The following IQCH variants were observed in gnomAD, a reference collection of about 807,000 sequenced individuals.
IQCH encodes the protein IQ motif containing H.
IQCH carries 98 observed loss-of-function variants against 117.0 expected under a neutral mutation model. That is an observed-to-expected ratio of 0.84 (90% CI 0.71 to 0.99). The LOEUF (loss-of-function observed/expected upper bound fraction) is 0.99. Among genes scored for constraint, IQCH ranks in the 50% least tolerant of loss-of-function variants. IQCH has a pLI of 0.00. For missense variants in IQCH, 1,102 were observed against 1,243.8 expected (o/e 0.89, Z 1.72); for synonymous variants, 412 against 448.2 (o/e 0.92, Z 1.02).
intron 13 of IQCH, among the ~76,000 whole-genome samples, chr15:67,396,447 A>C (rs112787982): frequency 6.6e-6 from 1 of 151,772 alleles, no homozygotes; most frequent in Non-Finnish European, 1.5e-5. Context: ...GTGGCTATGC[A>C]TTCTTCCAGC....
chr15:67,482,944 A>G lies in IQCH; in HGVS notation c.2800-7059A>G, dbSNP rs1440290263. On this transcript the variant is annotated intron_variant, in intron 18 of 20. Transcript: ENST00000335894. ...GAGCTGCCTAAGGGTAGACTCTTAC[A>G]TCTCTCACATATAAAATAAAATACG... 2.6e-5 allele frequency among the ~76,000 whole-genome samples: 4 copies of G among 152,294 alleles called. No individual in the cohort carries two copies. The South Asian group carries it at 6.2e-4, about 24-fold the overall frequency.
intron 18 of IQCH, among the ~76,000 whole-genome samples, chr15:67,477,506 AT>A (rs1349386483): frequency 6.6e-6 from 1 of 152,200 alleles, no homozygotes; most frequent in Non-Finnish European, 1.5e-5. Context: ...TTGCAGACAC[AT>A]AAAGTGGAGC....
chr15:67,439,574 G>A (rs182942526), intron 16 of IQCH, among the ~76,000 whole-genome samples: 1 of 152,118 alleles, frequency 6.6e-6, no homozygotes, highest in Admixed American at 6.6e-5. Context: ...CATGAAATTT[G>A]AAACAAACAA....
rs1970507916 is a variant in IQCH at position 67,370,964 on chromosome 15, G to GC, written c.754-1147_754-1146insC. On this transcript the variant is annotated intron_variant, in intron 8 of 20. Coordinates refer to ENST00000335894, the MANE Select transcript of IQCH (RefSeq NM_001031715.3). The surrounding 1 kb of genome is among the most constrained non-coding windows in gnomAD (Gnocchi z 5.6). ...CGTAATCATTATGGATAAATTGCTG[G>GC]GGGGGGTTTTCTTTGAGTTTTTTGA... Among the ~76,000 whole-genome samples, 4 of 151,452 alleles carry GC rather than the reference G, an allele frequency of 2.6e-5. No individual in the cohort carries two copies. Among genetic ancestry groups the GC allele is most frequent in the Admixed American group, 2.6e-4 (4 of 15,186 alleles).
At chr15:67,325,319 AT>A (rs1311612861) in intron 4 of IQCH, among the ~76,000 whole-genome samples, 1 of 151,990 alleles carries the variant, frequency 6.6e-6, no homozygotes, top group Non-Finnish European at 1.5e-5. Context: ...TAGTATTATT[AT>A]TTTTTAAGGT....
chr15:67,466,421 TC>T lies in IQCH; in HGVS notation c.2676+1126del, dbSNP rs2082934920. The T allele has an allele frequency of 6.6e-6, 1 of 152,160 alleles. No individual in the cohort carries two copies. The highest frequency in any genetic ancestry group is 2.4e-5 in the African/African-American group (1 of 41,448). The allele number at this position is 152,160 out of a possible 1,614,324, so 9.4% of individuals were successfully genotyped here. On this transcript the variant is annotated intron_variant, in intron 17 of 20. Transcript: ENST00000335894. This position sits in a 1 kb window ranked among gnomAD's most constrained non-coding sequence, Gnocchi z 4.4. ...TTTGCAAATGAAGCTCTACTTGAAATCCAAATATATCAAACAGATAAAAGAG... is the reference window on the plus strand; with the variant it reads ...TTTGCAAATGAAGCTCTACTTGAAATCAAATATATCAAACAGATAAAAGAG...
In IQCH at chr15:67,372,367, T is replaced by C. The variant is rs753212872; in HGVS notation, c.1010T>C (p.Leu337Pro). Residue 337 changes from leucine (L) to proline (P), a missense_variant, in exon 9 of 21, where the codon CTT becomes CCT. By Grantham distance (98) the Leu-to-Pro change is moderately conservative. Transcript: ENST00000335894. ...CCAGAGTTTGAGCTGACGAATAAAC[T>C]TACCAGATATGACCTTCTCTCAGTG... The part of the protein sequence containing the change: ...LLPEFELTNK[L>P]TRYDLLSVLE... 2 of 1,614,142 alleles carry C rather than the reference T, an allele frequency of 1.2e-6. No homozygotes were observed. Among genetic ancestry groups the C allele is most frequent in the South Asian group, 2.2e-5 (2 of 91,084 alleles).
intron 18 of IQCH, among the ~76,000 whole-genome samples, chr15:67,486,189 C>G (rs1479458061): frequency 6.6e-6 from 1 of 151,796 alleles, no homozygotes; most frequent in South Asian, 2.1e-4. Flanking sequence ...TGCCACCATG[C>G]CTGGCTAATT....
rs1338988038 is a variant in IQCH, at chr15:67,403,084, C to A, written c.2097+2779C>A. On this transcript the variant is annotated intron_variant, in intron 14 of 20. Transcript: ENST00000335894. This position sits in a 1 kb window ranked among gnomAD's most constrained non-coding sequence, Gnocchi z 4.8. ...CCAACATAGTGAAACCTCGTCTCTA[C>A]TAAAAATACAAAAAAATTAGTCGGG... Among the ~76,000 whole-genome samples the A allele has an allele frequency of 2.0e-5, 3 of 152,036 alleles. No individual in the cohort carries two copies. The highest frequency in any genetic ancestry group is 7.2e-5 in the African/African-American group (3 of 41,410).
intron 3 of IQCH, among the ~76,000 whole-genome samples, chr15:67,273,939 G>C (rs576766064): frequency 6.6e-6 from 1 of 152,332 alleles, no homozygotes; most frequent in South Asian, 2.1e-4. Context: ...GATGGATACA[G>C]TATTCTTCGA....
chr15:67,384,989 A>G lies in IQCH; in HGVS notation c.1426A>G (p.Met476Val). 2 of 1,612,002 alleles carry G rather than the reference A, an allele frequency of 1.2e-6. No individual in the cohort carries two copies. Among genetic ancestry groups the G allele is most frequent in the African/African-American group, 1.3e-5 (1 of 74,958 alleles). Reference protein sequence around the residue: ...HIADFNTQQNMQLGRLCDILD... With the variant: ...HIADFNTQQNVQLGRLCDILD... ...TGCCGATTTCAACACACAGCAGAAC[A>G]TGCAGCTGGGGAGGCTGTGTGACAT... The change falls in exon 11 of 21, where the codon ATG becomes GTG. Residue 476 changes from methionine (M) to valine (V), a missense_variant. Met to Val is a conservative substitution (Grantham distance 21, BLOSUM62 1). Transcript: ENST00000335894. The surrounding 1 kb of genome is among the most constrained non-coding windows in gnomAD (Gnocchi z 4.3).
At position 67,454,316 on chromosome 15, in the gene IQCH, G is replaced by A. The variant is rs564169754; in HGVS notation, c.2506-10811G>A. On this transcript the variant is annotated intron_variant, in intron 16 of 20. Transcript: ENST00000335894. The surrounding 1 kb of genome is among the most constrained non-coding windows in gnomAD (Gnocchi z 5.2). ...AATGCAGAAATCACCCGTCTTCTGC[G>A]TCGCTCACGCTGGGAGCTGTAGACC... Among the ~76,000 whole-genome samples, 268 of 152,290 alleles carry A rather than the reference G, an allele frequency of 1.8e-3. 1 individual carries two copies. The highest frequency in any genetic ancestry group is 6.9e-3 in the Admixed American group (105 of 15,294).
intron 4 of IQCH, among the ~76,000 whole-genome samples, chr15:67,302,024 G>C (rs776872693): frequency 1.4e-4 from 22 of 152,198 alleles, no homozygotes; most frequent in Non-Finnish European, 3.1e-4. Context: ...TTTAAGGCCA[G>C]TTTTAACAGT....
intron 8 of IQCH, chr15:67,371,472 A>G: frequency 1.9e-6 from 3 of 1,575,706 alleles, no homozygotes; most frequent in South Asian, 1.2e-5. Flanking sequence ...ATATGTTCCT[A>G]AGAAGAAACC....
chr15:67,307,183 G>T, intron 4 of IQCH: 3 of 944,944 alleles, frequency 3.2e-6, no homozygotes, highest in African/African-American at 1.8e-5. Flanking sequence ...CCAGTTCTTT[G>T]GTTCTACTTT....
rs975353818 is a variant in IQCH at position 67,495,058 on chromosome 15, A to G, written c.2970+692A>G. 7.2e-5 allele frequency among the ~76,000 whole-genome samples: 11 copies of G among 152,372 alleles called. 1 individual carries two copies. The highest frequency in any genetic ancestry group is 6.5e-4 in the Admixed American group (10 of 15,314). On this transcript the variant is annotated intron_variant, in intron 20 of 20. Transcript: ENST00000335894. ...ATCACGTGGTATTGAACAGCAAGGT[A>G]TGAATCTGATTCCCAGCCTAGGCCT... is the stretch of plus-strand genomic sequence containing the variant.
At chr15:67,271,621 A>G (rs1413180644) in intron 3 of IQCH, among the ~76,000 whole-genome samples, 6 of 152,010 alleles carry the variant, frequency 3.9e-5, no homozygotes, top group Admixed American at 6.6e-5. Context: ...GAGGCTTTCT[A>G]TTTCTTTATG....
rs1293405301 is a variant in IQCH at position 67,373,429 on chromosome 15, A to G, written c.1368A>G (p.Ser456=). The stretch of plus-strand genomic sequence containing the variant: ...GGAGGACTATTATCCATATCCCATC[A>G]TTAGGTATAACACTTTTGCCTGCAA... ...TSRRTIIHIP[S]LGYSQPVREH... Residue 456 remains serine (S), a synonymous_variant, in exon 10 of 21, where the codon TCA becomes TCG. Coordinates refer to ENST00000335894, the MANE Select transcript of IQCH (RefSeq NM_001031715.3). The G allele has an allele frequency of 3.7e-6, 6 of 1,604,150 alleles. No homozygotes were observed. Among genetic ancestry groups the G allele is most frequent in the African/African-American group, 1.3e-5 (1 of 74,696 alleles).
At chr15:67,308,451 A>C (rs1967417463) in intron 4 of IQCH, among the ~76,000 whole-genome samples, 1 of 152,178 alleles carries the variant, frequency 6.6e-6, no homozygotes, top group African/African-American at 2.4e-5. Context: ...AAATTAAATT[A>C]GTTGAACAAA....
Sources: allele counts gnomAD v4.1 joint callset (sites outside exome capture counted in the v4.1 genomes callset), GRCh38; gene constraint gnomAD v4.1.1; non-coding constraint Gnocchi (gnomAD v3.1); transcripts MANE v1.5; gene names NCBI Gene and HGNC (gene_info 2026-07-23, HGNC 2026-07-21).